PRH1: variants seen among roughly 807,000 people sequenced by gnomAD.
PRH1 encodes proline rich protein HaeIII subfamily 1, also known as salivary acidic proline-rich phosphoprotein 1/2.
In PRH1, 7 loss-of-function variants were observed where a neutral mutation model predicts 7.9. The ratio of observed to expected loss-of-function variants is 0.89; its 90% CI spans 0.50 to 1.67. PRH1 has a LOEUF of 1.67. PRH1 is among the 40% of genes most tolerant of loss of function. PRH1 has a pLI of 0.00. For missense variants in PRH1, 109 were observed against 223.6 expected (o/e 0.49, Z 3.27); for synonymous variants, 45 against 80.8 (o/e 0.56, Z 2.38).
At chr12:11,048,947 T>A (rs997330192), upstream of PRH1, 18 of 284,564 alleles carry the variant, frequency 6.3e-5, 1 homozygote, top group Non-Finnish European at 7.1e-6. Context: ...AAATGAAATA[T>A]GCTGAGGCTA....
intron 1 of PRH1, among the ~76,000 whole-genome samples, chr12:11,128,168 T>C (rs1203328044): frequency 6.6e-6 from 1 of 151,722 alleles, no homozygotes; most frequent in Non-Finnish European, 1.5e-5. Context: ...AACTATTCCT[T>C]GGGCACTAAA....
intron 2 of PRH1, among the ~76,000 whole-genome samples, chr12:10,900,877 G>T (rs1486874143): frequency 6.6e-6 from 1 of 152,046 alleles, no homozygotes; most frequent in African/African-American, 2.4e-5. Flanking sequence ...GCACCTGCTA[G>T]CAAGGTTCAG....
intron 1 of PRH1, among the ~76,000 whole-genome samples, chr12:11,037,056 T>C (rs1942457273): frequency 6.6e-6 from 1 of 152,186 alleles, no homozygotes; most frequent in African/African-American, 2.4e-5. Flanking sequence ...TTTTCAACGA[T>C]TTATTTGCTT....
chr12:11,133,845 A>G, intron 1 of PRH1: 3 of 1,614,188 alleles, frequency 1.9e-6, no homozygotes, highest in Non-Finnish European at 2.5e-6. Context: ...AAAGGCCCCA[A>G]CAGTATCACC....
At chr12:11,090,536 C>A (rs1396777521) in intron 1 of PRH1, among the ~76,000 whole-genome samples, 1 of 115,058 alleles carries the variant, frequency 8.7e-6, no homozygotes, top group Admixed American at 8.7e-5. Context: ...TGATACCAAT[C>A]AAGATCATGA....
chr12:11,132,555 T>G (rs1385011779), intron 1 of PRH1, among the ~76,000 whole-genome samples: 2 of 122,454 alleles, frequency 1.6e-5, no homozygotes, highest in Non-Finnish European at 3.7e-5. Flanking sequence ...TGGAAGCTGA[T>G]AATAGCAATC....
At chr12:11,171,285 C>A in intron 1 of PRH1, 1 of 1,004,906 alleles carries the variant, frequency 1.0e-6, no homozygotes, top group South Asian at 5.1e-5. Context: ...CGGTCCCAGC[C>A]GTCGCTAGGA....
intron 1 of PRH1, among the ~76,000 whole-genome samples, chr12:11,170,286 C>G (rs549516663): frequency 1.3e-5 from 2 of 152,310 alleles, no homozygotes; most frequent in South Asian, 4.1e-4. Flanking sequence ...GTGGCTCACG[C>G]CTGTAATCCC....
At chr12:10,987,365 G>T (rs1054717441) in intron 1 of PRH1, among the ~76,000 whole-genome samples, 9 of 151,950 alleles carry the variant, frequency 5.9e-5, no homozygotes, top group Non-Finnish European at 1.3e-4. Context: ...CACCATAACG[G>T]ATTTACTATT....
intron 1 of PRH1, among the ~76,000 whole-genome samples, chr12:10,996,154 A>G (rs1203358243): frequency 7.0e-6 from 1 of 142,734 alleles, no homozygotes; most frequent in Non-Finnish European, 1.5e-5. Context: ...CATCTCTACT[A>G]AAAAAAAAAA....
chr12:11,083,542 A>AG (rs1555160825), intron 1 of PRH1, among the ~76,000 whole-genome samples: 2 of 150,902 alleles, frequency 1.3e-5, no homozygotes, highest in South Asian at 4.1e-4. Context: ...ACATACATAT[A>AG]TATATAAAGT....
chr12:10,997,017 TTAGCGTC>T, intron 1 of PRH1: 1 of 1,614,008 alleles, frequency 6.2e-7, no homozygotes, highest in Non-Finnish European at 8.5e-7. Context: ...AAGGTCTGCT[TTAGCGTC>T]TTGTTCCCCC....
intron 2 of PRH1, among the ~76,000 whole-genome samples, chr12:10,970,522 T>G (rs1443969501): frequency 6.6e-6 from 1 of 151,958 alleles, no homozygotes; most frequent in Non-Finnish European, 1.5e-5. Flanking sequence ...TTTATAGTTC[T>G]TGCTTATATA....
chr12:10,923,874 T>C (rs997599180), intron 2 of PRH1, among the ~76,000 whole-genome samples: 7 of 152,182 alleles, frequency 4.6e-5, no homozygotes, highest in African/African-American at 1.7e-4. Flanking sequence ...ACATTTCTGA[T>C]AACATTGAAC....
At chr12:11,099,630 G>C (rs1179140343) in intron 1 of PRH1, among the ~76,000 whole-genome samples, 1 of 152,174 alleles carries the variant, frequency 6.6e-6, no homozygotes, top group African/African-American at 2.4e-5. Flanking sequence ...CCTGGAGGTG[G>C]AGGTTGCAGT....
intron 1 of PRH1, among the ~76,000 whole-genome samples, chr12:11,017,280 T>C (rs1941338822): frequency 6.6e-6 from 1 of 151,974 alleles, no homozygotes; most frequent in South Asian, 2.1e-4. Flanking sequence ...TCATGTTAAT[T>C]TAATATATTA....
At chr12:11,103,838 T>C (rs2600332) in intron 1 of PRH1, among the ~76,000 whole-genome samples, 68,816 of 151,664 alleles carry the variant, frequency 0.45, 16,376 homozygotes, top group Non-Finnish European at 0.52. Flanking sequence ...TGGCTGTTTA[T>C]TGTATTTTAA....
intron 3 of PRH1, among the ~76,000 whole-genome samples, chr12:10,881,631 G>C (rs1489013914): frequency 2.6e-5 from 4 of 152,142 alleles, no homozygotes; most frequent in African/African-American, 7.2e-5. Flanking sequence ...ATTTCAAAAA[G>C]TAGATTCCAA....
rs2256484 is a variant in PRH1, at chr12:11,054,644, A to G, written n.124-7456T>C. ...TATTTCATTTAGAGATAAATTTATA[A>G]AAATTGTCCTGTGTATTTAATATCT... On this transcript the variant is annotated intron_variant and non_coding_transcript_variant, in intron 1 of 4. Coordinates refer to the PRH1 transcript ENST00000541977. Among the ~76,000 whole-genome samples the G allele has an allele frequency of 4.3e-3, 658 of 152,352 alleles. 5 individuals carry two copies. The highest frequency in any genetic ancestry group is 0.015 in the African/African-American group (636 of 41,586).
Sources: allele counts gnomAD v4.1 joint callset (sites outside exome capture counted in the v4.1 genomes callset), GRCh38; gene constraint gnomAD v4.1.1; transcripts MANE v1.5; gene names NCBI Gene and HGNC (gene_info 2026-07-23, HGNC 2026-07-21).